SH3D19: variants seen among roughly 807,000 people sequenced by gnomAD.
SH3D19 encodes the protein SH3 domain containing 19.
SH3D19 carries 58 observed loss-of-function variants against 112.1 expected under a neutral mutation model. The observed-to-expected ratio is 0.52, with a 90% CI of 0.42 to 0.64. The LOEUF is 0.64. Ranked by LOEUF, SH3D19 falls within the 30% of genes least tolerant of loss-of-function variation. The pLI is 0.00. For synonymous variants in SH3D19, 391 were observed against 448.5 expected (o/e 0.87, Z 1.62); for missense variants, 1,090 against 1,263.4 (o/e 0.86, Z 2.08).
intron 1 of SH3D19, among the ~76,000 whole-genome samples, chr4:151,261,794 T>TA (rs2149989031): frequency 6.6e-6 from 1 of 152,324 alleles, no homozygotes; most frequent in Non-Finnish European, 1.5e-5. Flanking sequence ...GTAATGAATT[T>TA]AGAGATAGGA....
intron 1 of SH3D19, among the ~76,000 whole-genome samples, chr4:151,236,074 G>A (rs1156933010): frequency 1.3e-5 from 2 of 152,240 alleles, no homozygotes; most frequent in African/African-American, 4.8e-5. Flanking sequence ...CAATCAGGTT[G>A]AGAGATGACA....
chr4:151,130,707 C>T (rs566186285), intron 17 of SH3D19, among the ~76,000 whole-genome samples: 22 of 152,084 alleles, frequency 1.4e-4, no homozygotes, highest in African/African-American at 4.8e-4. Flanking sequence ...TTAGGGAGGC[C>T]GAGGTGGGTG....
At chr4:151,158,367 T>C (rs1335547015) in intron 9 of SH3D19, among the ~76,000 whole-genome samples, 1 of 152,166 alleles carries the variant, frequency 6.6e-6, no homozygotes, top group Non-Finnish European at 1.5e-5. Flanking sequence ...TGGCGTGATC[T>C]TGGCTCACTG....
chr4:151,298,974 G>A (rs1280517663), intron 1 of SH3D19, among the ~76,000 whole-genome samples: 3 of 152,108 alleles, frequency 2.0e-5, no homozygotes, highest in Admixed American at 1.3e-4. Flanking sequence ...CCACATAATC[G>A]TAGTGTTCCT....
At chr4:151,185,666 G>C (rs1761666138) in intron 3 of SH3D19, among the ~76,000 whole-genome samples, 1 of 152,086 alleles carries the variant, frequency 6.6e-6, no homozygotes, top group African/African-American at 2.4e-5. Context: ...AATGGAGTGG[G>C]GAAACATGGC....
At chr4:151,283,299 T>A (rs1444216542) in intron 1 of SH3D19, 10 of 1,608,190 alleles carry the variant, frequency 6.2e-6, no homozygotes, top group Non-Finnish European at 8.5e-6. Flanking sequence ...CAGGGTTTGC[T>A]CTAGAGAATT....
chr4:151,286,600 TA>T (rs200710507), intron 1 of SH3D19, among the ~76,000 whole-genome samples: 2,413 of 132,738 alleles, frequency 0.018, 45 homozygotes, highest in African/African-American at 0.052. Context: ...CATTTGTGAT[TA>T]AAAAAAAAAA....
chr4:151,136,007 A>G (rs937686484), intron 14 of SH3D19, among the ~76,000 whole-genome samples: 2 of 152,254 alleles, frequency 1.3e-5, no homozygotes, highest in Non-Finnish European at 1.5e-5. Flanking sequence ...AAAACAAAAC[A>G]AAACAAAACA....
intron 11 of SH3D19, among the ~76,000 whole-genome samples, chr4:151,145,143 A>G (rs1166094918): frequency 2.0e-5 from 3 of 152,222 alleles, no homozygotes; most frequent in African/African-American, 7.2e-5. Flanking sequence ...TACTGTAGGC[A>G]TGCAATAAAT....
intron 2 of SH3D19, among the ~76,000 whole-genome samples, chr4:151,207,786 A>C (rs941630419): frequency 1.4e-4 from 21 of 152,176 alleles, no homozygotes; most frequent in Non-Finnish European, 4.4e-5. Context: ...TCCCACCATG[A>C]CCACACACCC....
chr4:151,155,457 G>A (rs1755922637), intron 9 of SH3D19, among the ~76,000 whole-genome samples: 1 of 152,158 alleles, frequency 6.6e-6, no homozygotes. Context: ...AGGTGGGCTT[G>A]CCTGTATAAT....
chr4:151,222,380 TG>T (rs1768202320), intron 2 of SH3D19, among the ~76,000 whole-genome samples: 2 of 152,228 alleles, frequency 1.3e-5, no homozygotes, highest in Non-Finnish European at 2.9e-5. Flanking sequence ...TTGCTCATCC[TG>T]GGTTTTTTCC....
chr4:151,132,238 T>G (rs888209604), intron 17 of SH3D19, 93 bp downstream of exon 17: 18 of 990,782 alleles, frequency 1.8e-5, no homozygotes, highest in Middle Eastern at 2.2e-4. Context: ...GAAAAATTAA[T>G]TCATACTATA....
chr4:151,127,611 T>C lies in SH3D19; in HGVS notation c.3027+7A>G. On this transcript the variant is annotated splice_region_variant and intron_variant, in intron 19 of 19. Transcript: ENST00000604030. ...TAATGCAGTTATGAAGAGATACACA[T>C]TCTGACCTTGAAGGAAAGTTCATCT... 1.3e-6 allele frequency: 2 copies of C among 1,563,936 alleles called. No homozygotes were observed. Among genetic ancestry groups the C allele is most frequent in the Non-Finnish European group, 8.7e-7 (1 of 1,150,818 alleles).
chr4:151,190,029 G>A (rs2407426), intron 2 of SH3D19, among the ~76,000 whole-genome samples: 126,045 of 152,114 alleles, frequency 0.83, 53,885 homozygotes, highest in Non-Finnish European at 0.95. Context: ...TTCTCAGATG[G>A]AGATGAGGAA....
rs540911485 is a variant in SH3D19, at chr4:151,187,614, T to C, written c.153-151A>G. Among the ~76,000 whole-genome samples, 65 of 152,344 alleles carry C rather than the reference T, an allele frequency of 4.3e-4. 1 individual carries two copies. In the South Asian group the frequency reaches 0.013, roughly 30 times the overall value. ...GCCTATCCTCTTTAAAAATCAAAAA[T>C]TAAAGAAATTTTTAAAACTTGACTT... On this transcript the variant is annotated intron_variant, in intron 2 of 19. Coordinates refer to ENST00000604030, the MANE Select transcript of SH3D19 (RefSeq NM_001378122.1).
Position 151,148,122 on chromosome 4 carries a change from G to A in SH3D19, c.1882C>T (p.Pro628Ser). 2.5e-6 allele frequency: 4 copies of A among 1,613,828 alleles called. No homozygotes were observed. In the East Asian group the frequency reaches 6.7e-5, roughly 27 times the overall value. The change falls in exon 11 of 20, where the codon CCT becomes TCT. Residue 628 changes from proline to serine, a missense_variant. By Grantham distance (74) the Pro-to-Ser change is moderately conservative. Transcript: ENST00000604030. ...CTGGTTGCAGAAAGCTTTGGGGGAG[G>A]TGGTCTCTCAGGGGGCACCTTGGTT... Reference protein sequence around the residue: ...PPTKVPPERPPPPKLSATRRS... With the variant: ...PPTKVPPERPSPPKLSATRRS...
At chr4:151,165,890 T>A in intron 7 of SH3D19, 194 bp from the exon 8 acceptor site, 1 of 524,222 alleles carries the variant, frequency 1.9e-6, no homozygotes, top group Non-Finnish European at 3.4e-6. Context: ...CTGTAAATAA[T>A]TCATGCGGCT....
intron 1 of SH3D19, chr4:151,277,175 G>T: frequency 6.7e-7 from 1 of 1,483,240 alleles, no homozygotes. Context: ...ACAGAGACAT[G>T]GGCCCTGCTG....
Sources: gnomAD v4.1 joint callset for allele counts (sites outside exome capture counted in the v4.1 genomes callset) on GRCh38, gnomAD v4.1.1 for gene constraint, MANE v1.5 for transcripts, NCBI Gene and HGNC (gene_info 2026-07-23, HGNC 2026-07-21) for gene names.